PDCD6: variants seen among roughly 807,000 people sequenced by gnomAD.
PDCD6 encodes programmed cell death 6.
A neutral mutation model predicts 28.3 loss-of-function variants in PDCD6; 12 were observed. That is an observed-to-expected ratio of 0.42 (90% confidence interval 0.27 to 0.69). The LOEUF (loss-of-function observed/expected upper bound fraction) is 0.69, where lower values mean the gene tolerates loss of function less well. Ranked by LOEUF, PDCD6 falls within the 30% of genes least tolerant of loss-of-function variation. PDCD6 has a pLI of 0.22. For synonymous variants in PDCD6, 92 were observed against 108.0 expected (o/e 0.85, Z 0.92); for missense variants, 226 against 269.9 (o/e 0.84, Z 1.14).
Position 307,858 on chromosome 5 carries a change from C to T in PDCD6, c.367+1098C>T, listed in dbSNP as rs1317535884. Among the ~76,000 whole-genome samples, 4 of 152,148 alleles carry T rather than the reference C, an allele frequency of 2.6e-5. No individual in the cohort carries two copies. Among genetic ancestry groups the T allele is most frequent in the Admixed American group, 6.5e-5 (1 of 15,286 alleles). On this transcript the variant is annotated intron_variant, in intron 4 of 5. Coordinates refer to ENST00000264933, the MANE Select transcript of PDCD6 (RefSeq NM_013232.4). The surrounding 1 kb of genome is among the most constrained non-coding windows in gnomAD (Gnocchi z 6.1). Reference sequence around the variant, plus strand: ...TCTTTCTCTTTTCTTTCTCACCTTACGAGCTTGTCCACAGGGCCGGGGGTG... The same window carrying T: ...TCTTTCTCTTTTCTTTCTCACCTTATGAGCTTGTCCACAGGGCCGGGGGTG...
intron 2 of PDCD6, among the ~76,000 whole-genome samples, chr5:281,035 G>GA (rs1367166176): frequency 6.6e-6 from 1 of 152,246 alleles, no homozygotes; most frequent in East Asian, 1.9e-4. Context: ...CAGGCAGAGA[G>GA]AAATAAGATC....
At chr5:300,059 C>G (rs1195904772) in intron 2 of PDCD6, among the ~76,000 whole-genome samples, 3 of 152,204 alleles carry the variant, frequency 2.0e-5, no homozygotes, top group African/African-American at 7.2e-5. Flanking sequence ...TTTGATCTGC[C>G]TATGTGGGAA....
At chr5:295,730 C>A (rs954095616) in intron 2 of PDCD6, among the ~76,000 whole-genome samples, 1 of 146,702 alleles carries the variant, frequency 6.8e-6, no homozygotes, top group African/African-American at 2.5e-5. Context: ...GCTGAGGCTG[C>A]TCTCCCTGTT....
At chr5:279,680 C>T (rs910925429) in intron 2 of PDCD6, among the ~76,000 whole-genome samples, 1 of 149,752 alleles carries the variant, frequency 6.7e-6, no homozygotes, top group African/African-American at 2.5e-5. Flanking sequence ...TAGATTTGGC[C>T]TCTATTCTCA....
At chr5:298,226 C>T (rs1739745444) in intron 2 of PDCD6, among the ~76,000 whole-genome samples, 2 of 152,132 alleles carry the variant, frequency 1.3e-5, no homozygotes, top group South Asian at 4.1e-4. Flanking sequence ...CATGGGGTCT[C>T]TGAGGGGTGC....
Position 313,380 on chromosome 5 carries a change from C to T in PDCD6, c.478-1037C>T, listed in dbSNP as rs150104344. Among the ~76,000 whole-genome samples, 489 of 152,342 alleles carry T rather than the reference C, an allele frequency of 3.2e-3. 6 individuals are homozygous for T. Among genetic ancestry groups the T allele is most frequent in the Admixed American group, 7.4e-3 (114 of 15,304 alleles). On this transcript the variant is annotated intron_variant, in intron 5 of 5. Coordinates refer to ENST00000264933, the MANE Select transcript of PDCD6 (RefSeq NM_013232.4). ...CCATTACTCTTTAAGCCAGCATTATCCATTGCGGTGCTTTTGGAGTTGGGT... is the reference window on the plus strand; with the variant it reads ...CCATTACTCTTTAAGCCAGCATTATTCATTGCGGTGCTTTTGGAGTTGGGT...
chr5:308,356 T>C (rs1426582166), intron 4 of PDCD6: 1 of 152,250 alleles, frequency 6.6e-6, no homozygotes, highest in African/African-American at 2.4e-5. Flanking sequence ...AAAACTGTGC[T>C]TAGCTGTGGC....
intron 2 of PDCD6, among the ~76,000 whole-genome samples, chr5:290,843 C>G (rs978951701): frequency 6.6e-6 from 1 of 152,202 alleles, no homozygotes. Flanking sequence ...ACAAGCGTAT[C>G]CATGGTGAGG....
intron 2 of PDCD6, among the ~76,000 whole-genome samples, chr5:300,805 G>A (rs1740003755): frequency 6.6e-6 from 1 of 152,152 alleles, no homozygotes; most frequent in Non-Finnish European, 1.5e-5. Flanking sequence ...CTAGTGGGGT[G>A]GCTGCCTCTC....
chr5:290,091 A>T lies in PDCD6; in HGVS notation c.164-14086A>T, dbSNP rs1448506652. 35 of 1,572,682 alleles carry T rather than the reference A, an allele frequency of 2.2e-5. 1 individual carries two copies. In the Admixed American group the frequency reaches 5.7e-4, roughly 25 times the overall value. On this transcript the variant is annotated intron_variant, in intron 2 of 5. Transcript: ENST00000264933. ...TTCTTTCCTTCATTTCATCAAAGGG[A>T]ATATATTCGACATTAGGGTTGGGAG... is the stretch of plus-strand genomic sequence containing the variant.
At chr5:275,422 CAG>C (rs553365343) in intron 2 of PDCD6, among the ~76,000 whole-genome samples, 154 of 152,346 alleles carry the variant, frequency 1.0e-3, no homozygotes, top group African/African-American at 3.4e-3. Context: ...CGCGTGTTCT[CAG>C]AAACTGTGGT....
chr5:314,568 G>GATAGGAACTGTGACATT lies in PDCD6; in HGVS notation c.*53_*54insATAGGAACTGTGACATT. On this transcript the variant is annotated 3_prime_UTR_variant, in exon 6 of 6. Coordinates refer to ENST00000264933, the MANE Select transcript of PDCD6 (RefSeq NM_013232.4). ...ACATGGAAAGAGCCAAAATGTCACA[G>GATAGGAACTGTGACATT]TTCCTATCTGTGAGGGAATGGAGCA... 1.6e-6 allele frequency: 2 copies of GATAGGAACTGTGACATT among 1,266,136 alleles called. No individual in the cohort carries two copies. The highest frequency in any genetic ancestry group is 2.3e-6 in the Non-Finnish European group (2 of 865,354). The allele number at this position is 1,266,136 out of a possible 1,614,324, so 78.4% of individuals were successfully genotyped here. A position where few individuals can be genotyped will look rare whatever the true frequency, so the allele number is the denominator to read the frequency against.
At chr5:283,731 G>T (rs1356460118) in intron 2 of PDCD6, among the ~76,000 whole-genome samples, 1 of 147,802 alleles carries the variant, frequency 6.8e-6, no homozygotes, top group African/African-American at 2.5e-5. Flanking sequence ...CCTACAGCTG[G>T]AGAACTGGAG....
At chr5:286,707 G>T (rs1237221917) in intron 2 of PDCD6, among the ~76,000 whole-genome samples, 1 of 152,226 alleles carries the variant, frequency 6.6e-6, no homozygotes, top group Admixed American at 6.5e-5. Flanking sequence ...ACCTGGGGAG[G>T]AGCTGATGTT....
Position 307,255 on chromosome 5 carries a change from TCGGCGTGTGTGTGCACACGTGTGCC to T in PDCD6, c.367+496_367+520del. Among the ~76,000 whole-genome samples the T allele has an allele frequency of 1.2e-5, 1 of 86,108 alleles. No individual in the cohort carries two copies. The highest frequency in any genetic ancestry group is 2.1e-5 in the Non-Finnish European group (1 of 48,210). 56.5% of individuals were successfully genotyped at this position (86,108 alleles called of 152,430 possible). On this transcript the variant is annotated intron_variant, in intron 4 of 5. Coordinates refer to ENST00000264933, the MANE Select transcript of PDCD6 (RefSeq NM_013232.4). This position sits in a 1 kb window ranked among gnomAD's most constrained non-coding sequence, Gnocchi z 6.1. ...GTGTGTGTGCTCGGCGTGTGTGTGC[TCGGCGTGTGTGTGCACACGTGTGCC>T]GTGCGCCTCAGAAGGGGCGTTAGGC...
At chr5:311,115 T>A (rs912988169) in intron 4 of PDCD6, 178 bp from the exon 5 acceptor site, 17 of 613,826 alleles carry the variant, frequency 2.8e-5, no homozygotes, top group Non-Finnish European at 4.1e-5. Context: ...CATTACAGAA[T>A]GATATATTCG....
Position 271,728 on chromosome 5 carries a change from C to T in PDCD6, c.8C>T (p.Ala3Val), listed in dbSNP as rs184133341. The T allele has an allele frequency of 2.5e-5, 39 of 1,535,530 alleles. 1 individual carries two copies. The South Asian group carries it at 4.2e-4, about 17-fold the overall frequency. Residue 3 changes from alanine (A) to valine (V), a missense_variant, in exon 1 of 6, where the codon GCC becomes GTC. By Grantham distance (64) the Ala-to-Val change is moderately conservative. Transcript: ENST00000264933. ...AGCCGCGTGCCTTGGCCCATGGCCGCCTACTCTTACCGCCCCGGCCCTGGG... is the reference window on the plus strand; with the variant it reads ...AGCCGCGTGCCTTGGCCCATGGCCGTCTACTCTTACCGCCCCGGCCCTGGG... The part of the protein sequence containing the change: MA[A>V]YSYRPGPGAG...
At chr5:298,492 C>A (rs542264175) in intron 2 of PDCD6, among the ~76,000 whole-genome samples, 2 of 151,992 alleles carry the variant, frequency 1.3e-5, no homozygotes, top group Non-Finnish European at 2.9e-5. Flanking sequence ...TCCCCAGCTC[C>A]GTTCCAAGCT....
In PDCD6 at chr5:282,702, G is replaced by GGT. The variant is rs1738658971; in HGVS notation, c.163+9931_163+9932insTG. Among the ~76,000 whole-genome samples, 29 of 152,184 alleles carry GGT rather than the reference G, an allele frequency of 1.9e-4. 1 individual carries two copies. The South Asian group carries it at 6.0e-3, about 32-fold the overall frequency. On this transcript the variant is annotated intron_variant, in intron 2 of 5. Transcript: ENST00000264933. ...TTGAGTCTTTCAGTTGGAGACTCAG[G>GGT]GAGGAGCTGATGTTCTAGATTTAGG...
Sources: allele counts gnomAD v4.1 joint callset (sites outside exome capture counted in the v4.1 genomes callset), GRCh38; gene constraint gnomAD v4.1.1; non-coding constraint Gnocchi (gnomAD v3.1); transcripts MANE v1.5; gene names NCBI Gene and HGNC (gene_info 2026-07-23, HGNC 2026-07-21).